Variants in NTNG1 observed in about 807,000 individuals in gnomAD.
NTNG1 encodes netrin-G1.
Under a neutral mutation model 54.0 loss-of-function variants are expected in NTNG1, and 16 were observed. That is an observed-to-expected ratio of 0.30 (90% CI 0.20 to 0.45). The LOEUF is 0.45. NTNG1 is among the 20% of genes least tolerant of loss of function. The pLI is 1.00. For missense variants in NTNG1, 530 were observed against 678.7 expected (o/e 0.78, Z 2.43); for synonymous variants, 255 against 263.1 (o/e 0.97, Z 0.30).
chr1:107,280,705 C>T lies in NTNG1; in HGVS notation c.247-43577C>T, dbSNP rs1664792726. Among the ~76,000 whole-genome samples the T allele has an allele frequency of 2.0e-5, 3 of 151,754 alleles. No homozygotes were observed. In the South Asian group the frequency reaches 6.2e-4, roughly 32 times the overall value. On this transcript the variant is annotated intron_variant, in intron 2 of 7. Transcript: ENST00000370068. Reference sequence around the variant, plus strand: ...GCTCGTTACTGGGCAGGTATTCCCACCTGGCAGGGAAACCTGCCAAAGATC... The same window carrying T: ...GCTCGTTACTGGGCAGGTATTCCCATCTGGCAGGGAAACCTGCCAAAGATC...
chr1:107,227,502 G>C (rs2101508150), intron 2 of NTNG1, among the ~76,000 whole-genome samples: 1 of 152,114 alleles, frequency 6.6e-6, no homozygotes, highest in Non-Finnish European at 1.5e-5. Flanking sequence ...CCTTAGGTTT[G>C]ACTAGCTGGC....
intron 7 of NTNG1, among the ~76,000 whole-genome samples, chr1:107,442,791 T>G (rs568319203): frequency 6.6e-6 from 1 of 152,154 alleles, no homozygotes; most frequent in South Asian, 2.1e-4. Flanking sequence ...CCTTCTTTGA[T>G]GAAAGTTTTT....
chr1:107,410,379 T>C (rs1024245063), intron 5 of NTNG1: 3 of 152,164 alleles, frequency 2.0e-5, no homozygotes, highest in Non-Finnish European at 4.4e-5. Flanking sequence ...TCCTTTCCGA[T>C]CATCTGCTAA....
chr1:107,465,412 G>T (rs1436747734), intron 7 of NTNG1, among the ~76,000 whole-genome samples: 1 of 152,194 alleles, frequency 6.6e-6, no homozygotes, highest in African/African-American at 2.4e-5. Context: ...CCTGCCCTCA[G>T]AGTGCTTGTA....
At chr1:107,200,849 A>G (rs1363946561) in intron 2 of NTNG1, among the ~76,000 whole-genome samples, 1 of 151,840 alleles carries the variant, frequency 6.6e-6, no homozygotes, top group Non-Finnish European at 1.5e-5. Context: ...ATAGATAAAA[A>G]ACTCAGTAAG....
intron 2 of NTNG1, among the ~76,000 whole-genome samples, chr1:107,245,852 G>C (rs1310989882): frequency 6.6e-6 from 1 of 152,022 alleles, no homozygotes; most frequent in Non-Finnish European, 1.5e-5. Flanking sequence ...CCCAAAAATT[G>C]TTCTATTACA....
intron 4 of NTNG1, among the ~76,000 whole-genome samples, chr1:107,405,826 A>G (rs1238753222): frequency 6.6e-6 from 1 of 152,172 alleles, no homozygotes; most frequent in East Asian, 1.9e-4. Flanking sequence ...TGATACTAAA[A>G]TTATGATGCT....
At chr1:107,302,415 C>T (rs145342869) in intron 2 of NTNG1, among the ~76,000 whole-genome samples, 7 of 152,098 alleles carry the variant, frequency 4.6e-5, no homozygotes, top group Middle Eastern at 3.4e-3. Flanking sequence ...ACCAGGTTAC[C>T]GCTCACCTGC....
At chr1:107,261,942 T>C (rs1663375320) in intron 2 of NTNG1, among the ~76,000 whole-genome samples, 1 of 152,366 alleles carries the variant, frequency 6.6e-6, no homozygotes, top group African/African-American at 2.4e-5. Context: ...AAAGTTTGTA[T>C]GAGGTTCTCT....
intron 3 of NTNG1, among the ~76,000 whole-genome samples, chr1:107,353,999 A>G (rs909053925): frequency 3.3e-5 from 5 of 152,288 alleles, no homozygotes; most frequent in Non-Finnish European, 7.3e-5. Flanking sequence ...AACCCCAATG[A>G]TCCAATCACC....
chr1:107,417,971 A>G (rs1004714981), intron 5 of NTNG1, among the ~76,000 whole-genome samples: 4 of 152,064 alleles, frequency 2.6e-5, no homozygotes, highest in Non-Finnish European at 5.9e-5. Flanking sequence ...ATGAAAACAC[A>G]TACACACCCA....
At chr1:107,289,257 AACCTTGTGCTATTAGTTATT>A (rs1177300543) in intron 2 of NTNG1, among the ~76,000 whole-genome samples, 1 of 152,100 alleles carries the variant, frequency 6.6e-6, no homozygotes, top group Non-Finnish European at 1.5e-5. Flanking sequence ...CTTCATCGGG[AACCTTGTGCTATTAGTTATT>A]ACCTCATCCC....
chr1:107,337,726 G>C (rs1174378177), intron 3 of NTNG1, among the ~76,000 whole-genome samples: 1 of 151,924 alleles, frequency 6.6e-6, no homozygotes, highest in Admixed American at 6.6e-5. Context: ...TTTCTTCTCT[G>C]TCCTTATGAA....
intron 2 of NTNG1, among the ~76,000 whole-genome samples, chr1:107,313,364 G>A (rs1162594078): frequency 6.6e-6 from 1 of 152,226 alleles, no homozygotes; most frequent in Admixed American, 6.5e-5. Flanking sequence ...GGAAGAGGGA[G>A]GGAAAGAGGA....
intron 3 of NTNG1, among the ~76,000 whole-genome samples, chr1:107,328,340 C>T (rs971001534): frequency 2.6e-5 from 4 of 152,040 alleles, no homozygotes; most frequent in Non-Finnish European, 4.4e-5. Context: ...TTTTAATTTA[C>T]AGGGTAATAC....
chr1:107,425,286 C>T (rs676576), intron 5 of NTNG1, among the ~76,000 whole-genome samples: 3,292 of 152,118 alleles, frequency 0.022, 64 homozygotes, highest in South Asian at 0.046. Context: ...TACTTATCAC[C>T]TAAATATTGG....
chr1:107,143,991 C>A (rs1653929769), intron 1 of NTNG1, among the ~76,000 whole-genome samples: 1 of 151,988 alleles, frequency 6.6e-6, no homozygotes, highest in Non-Finnish European at 1.5e-5. Flanking sequence ...TCATAATACC[C>A]AATCAAGTGT....
At chr1:107,170,257 G>T (rs1366518748) in intron 2 of NTNG1, among the ~76,000 whole-genome samples, 8 of 152,100 alleles carry the variant, frequency 5.3e-5, no homozygotes, top group Non-Finnish European at 1.5e-5. Context: ...AAATAACTTA[G>T]ACCTAAAGGA....
chr1:107,373,506 C>T (rs551768431), intron 3 of NTNG1, among the ~76,000 whole-genome samples: 82 of 151,370 alleles, frequency 5.4e-4, no homozygotes, highest in Admixed American at 1.1e-3. Context: ...TATTTACTCA[C>T]ATAGCTACCA....
Sources: gnomAD v4.1 joint callset for allele counts (sites outside exome capture counted in the v4.1 genomes callset) on GRCh38, gnomAD v4.1.1 for gene constraint, MANE v1.5 for transcripts, NCBI Gene and HGNC (gene_info 2026-07-23, HGNC 2026-07-21) for gene names.